FER: variants seen among roughly 807,000 people sequenced by gnomAD.
The protein encoded by FER is FER tyrosine kinase, also known as tyrosine-protein kinase Fer.
In FER, 63 loss-of-function variants were observed where a neutral mutation model predicts 111.0. That is an observed-to-expected ratio of 0.57 (90% CI 0.46 to 0.70). FER has a LOEUF of 0.70. Among genes scored for constraint, FER ranks in the 30% least tolerant of loss-of-function variants. The pLI is 0.00. For synonymous variants in FER, 327 were observed against 313.9 expected (o/e 1.04, Z -0.44); for missense variants, 914 against 954.0 (o/e 0.96, Z 0.55).
chr5:108,966,388 CTTT>C (rs34899054), intron 13 of FER, among the ~76,000 whole-genome samples: 7 of 124,978 alleles, frequency 5.6e-5, no homozygotes, highest in Non-Finnish European at 8.4e-5. Context: ...TTTTTCTTTT[CTTT>C]TTTTTTTTTT....
chr5:109,162,036 C>T (rs72798569), intron 17 of FER, among the ~76,000 whole-genome samples: 4,101 of 152,088 alleles, frequency 0.027, 74 homozygotes, highest in Middle Eastern at 0.092. Flanking sequence ...GCTTGTTGGC[C>T]ATATGTATGT....
intron 10 of FER, among the ~76,000 whole-genome samples, chr5:108,902,975 A>G (rs892176000): frequency 6.6e-6 from 1 of 151,994 alleles, no homozygotes; most frequent in Non-Finnish European, 1.5e-5. Flanking sequence ...AGTTGTAAGA[A>G]CATAATAAAT....
chr5:109,191,093 A>C lies in FER; in HGVS notation c.*3518A>C, dbSNP rs79861892. 7.9e-5 allele frequency: 12 copies of C among 152,210 alleles called. No homozygotes were observed. The highest frequency in any genetic ancestry group is 1.6e-4 in the Non-Finnish European group (11 of 68,022). The allele number at this position is 152,210 out of a possible 1,614,324, so 9.4% of individuals were successfully genotyped here. On this transcript the variant is annotated 3_prime_UTR_variant, in exon 20 of 20. Coordinates refer to ENST00000281092, the MANE Select transcript of FER (RefSeq NM_005246.4). The stretch of plus-strand genomic sequence containing the variant: ...ACTAGTGTTAGATTATGTCAAGAAG[A>C]AAGTGTTTTAGTTACAACATACGCC...
chr5:109,143,876 T>A (rs1341101578), intron 17 of FER, among the ~76,000 whole-genome samples: 7 of 150,232 alleles, frequency 4.7e-5, no homozygotes, highest in Non-Finnish European at 1.0e-4. Flanking sequence ...TTATATAAAA[T>A]ATATATATAT....
chr5:109,130,650 C>A (rs968337822), intron 17 of FER, among the ~76,000 whole-genome samples: 2 of 151,582 alleles, frequency 1.3e-5, no homozygotes, highest in African/African-American at 4.9e-5. Context: ...TTTCTGACCA[C>A]CTGCTGCCTG....
chr5:108,771,898 CTT>C (rs1752938154), intron 2 of FER, among the ~76,000 whole-genome samples: 1 of 152,044 alleles, frequency 6.6e-6, no homozygotes, highest in Admixed American at 6.5e-5. Flanking sequence ...ATGTATTTGT[CTT>C]TTTGTTCATT....
chr5:108,803,401 T>C (rs1211535600), intron 3 of FER, among the ~76,000 whole-genome samples: 1 of 152,194 alleles, frequency 6.6e-6, no homozygotes, highest in Non-Finnish European at 1.5e-5. Context: ...CATAAATTTC[T>C]TCCCACAGCT....
At chr5:109,029,292 A>C (rs1183455160) in intron 13 of FER, among the ~76,000 whole-genome samples, 1 of 147,998 alleles carries the variant, frequency 6.8e-6, no homozygotes, top group East Asian at 2.0e-4. Flanking sequence ...ACATGTGCAC[A>C]ATGTGCAGGT....
intron 5 of FER, 129 bp downstream of exon 5, chr5:108,835,936 C>T (rs900706399): frequency 8.0e-6 from 4 of 500,064 alleles, no homozygotes; most frequent in East Asian, 3.7e-5. Flanking sequence ...AATAAACCCA[C>T]ATTGGCTAAT....
intron 12 of FER, among the ~76,000 whole-genome samples, chr5:108,958,386 T>C (rs1215287384): frequency 1.3e-5 from 2 of 151,818 alleles, no homozygotes; most frequent in African/African-American, 4.8e-5. Context: ...AGTTGGAAGC[T>C]TTTGTTACAT....
intron 16 of FER, among the ~76,000 whole-genome samples, chr5:109,069,448 G>C (rs1020653733): frequency 2.0e-5 from 3 of 152,118 alleles, no homozygotes; most frequent in Non-Finnish European, 2.9e-5. Context: ...CGAATGAATA[G>C]AAGAACACTT....
chr5:108,871,804 GT>G (rs1764628878), intron 7 of FER, among the ~76,000 whole-genome samples: 1 of 151,334 alleles, frequency 6.6e-6, no homozygotes, highest in African/African-American at 2.4e-5. Context: ...GACTTTATAT[GT>G]ATATTACACT....
At chr5:108,955,130 T>C (rs959798988) in intron 12 of FER, among the ~76,000 whole-genome samples, 198 bp downstream of exon 12, 3 of 151,904 alleles carry the variant, frequency 2.0e-5, no homozygotes, top group Admixed American at 6.6e-5. Context: ...TATTTAGTAA[T>C]ATTTTAAATT....
intron 9 of FER, among the ~76,000 whole-genome samples, chr5:108,890,258 A>T (rs764735552): frequency 6.6e-6 from 1 of 151,986 alleles, no homozygotes; most frequent in Non-Finnish European, 1.5e-5. Context: ...ATTCCTTTTT[A>T]CTGTTGAGTA....
chr5:108,848,968 G>A (rs1338246074), intron 5 of FER, among the ~76,000 whole-genome samples: 1 of 151,806 alleles, frequency 6.6e-6, no homozygotes, highest in African/African-American at 2.4e-5. Flanking sequence ...ACCTCTTTAT[G>A]TATTTAAAGA....
Position 109,027,188 on chromosome 5 carries a change from G to C in FER, c.1657-10234G>C, listed in dbSNP as rs1264818187. Among the ~76,000 whole-genome samples the C allele has an allele frequency of 2.0e-5, 3 of 151,794 alleles. No homozygotes were observed. The East Asian group carries it at 5.8e-4, about 29-fold the overall frequency. On this transcript the variant is annotated intron_variant, in intron 13 of 19. Transcript: ENST00000281092. ...GATTACCACTATCCCTTTGACCAGG[G>C]GCTGGACAAAGCTTGTATTTCCAGT...
chr5:108,785,487 G>T, intron 2 of FER: 2 of 570,672 alleles, frequency 3.5e-6, no homozygotes, highest in South Asian at 1.4e-5. Flanking sequence ...TCTGTTGGTG[G>T]TCATTTGTTT....
intron 13 of FER, among the ~76,000 whole-genome samples, chr5:108,986,530 T>G (rs1178824203): frequency 6.6e-6 from 1 of 152,182 alleles, no homozygotes; most frequent in African/African-American, 2.4e-5. Context: ...TAATCCAGTG[T>G]CTAGAAGTGT....
chr5:109,040,173 A>G (rs890434152), intron 14 of FER, among the ~76,000 whole-genome samples: 8 of 152,098 alleles, frequency 5.3e-5, no homozygotes, highest in African/African-American at 1.7e-4. Flanking sequence ...GATGATGGAA[A>G]CTATTGGGTA....
Sources: gnomAD v4.1 joint callset for allele counts (sites outside exome capture counted in the v4.1 genomes callset) on GRCh38, gnomAD v4.1.1 for gene constraint, MANE v1.5 for transcripts, NCBI Gene and HGNC (gene_info 2026-07-23, HGNC 2026-07-21) for gene names.